Variants in RASGRP3 observed in about 807,000 individuals in gnomAD.
The protein encoded by RASGRP3 is ras guanyl-releasing protein 3.
In RASGRP3, 54 loss-of-function variants were observed where a neutral mutation model predicts 82.7. The ratio of observed to expected loss-of-function variants is 0.65; its 90% confidence interval spans 0.52 to 0.82. The LOEUF (loss-of-function observed/expected upper bound fraction) is 0.82. RASGRP3 is among the 40% of genes least tolerant of loss of function. The pLI is 0.00. For missense variants in RASGRP3, 861 were observed against 828.9 expected (o/e 1.04, Z -0.48); for synonymous variants, 309 against 300.5 (o/e 1.03, Z -0.29).
intron 13 of RASGRP3, among the ~76,000 whole-genome samples, chr2:33,548,529 G>C (rs1056038087): frequency 3.9e-5 from 6 of 151,960 alleles, no homozygotes; most frequent in African/African-American, 1.2e-4. Flanking sequence ...GGAGAGTCCC[G>C]GGGAGGCTGG....
chr2:33,543,374 T>G, intron 12 of RASGRP3, 138 bp from the exon 13 acceptor site: 1 of 589,126 alleles, frequency 1.7e-6, no homozygotes, highest in East Asian at 2.9e-5. Flanking sequence ...TTATAAAGGC[T>G]TCTTGACTTA....
chr2:33,467,286 C>G (rs1349595666), intron 2 of RASGRP3, among the ~76,000 whole-genome samples: 1 of 152,048 alleles, frequency 6.6e-6, no homozygotes, highest in African/African-American at 2.4e-5. Flanking sequence ...AGTCTACTCT[C>G]TGATGCTTTC....
At chr2:33,543,648 AT>A in intron 13 of RASGRP3, 21 bp downstream of exon 13, 1 of 1,479,038 alleles carries the variant, frequency 6.8e-7, no homozygotes, top group East Asian at 2.3e-5. Context: ...ATTTTGTTTT[AT>A]TTTAATGCAA....
At chr2:33,509,737 G>GT (rs1670749200) in intron 1 of RASGRP3, among the ~76,000 whole-genome samples, 1 of 152,116 alleles carries the variant, frequency 6.6e-6, no homozygotes, top group Non-Finnish European at 1.5e-5. Flanking sequence ...GGCAAGGATT[G>GT]TATCTGTCTT....
At chr2:33,519,433 G>A (rs1465822804) in intron 4 of RASGRP3, among the ~76,000 whole-genome samples, 1 of 152,088 alleles carries the variant, frequency 6.6e-6, no homozygotes, top group African/African-American at 2.4e-5. Flanking sequence ...TGGCTAACAC[G>A]GCGAAACCCC....
intron 2 of RASGRP3, among the ~76,000 whole-genome samples, chr2:33,461,737 A>G (rs1435987845): frequency 2.0e-5 from 3 of 152,250 alleles, no homozygotes; most frequent in African/African-American, 7.2e-5. Context: ...ATTTTATCCA[A>G]AAGTTTTCTA....
chr2:33,494,162 A>C (rs1177242929), intron 1 of RASGRP3, among the ~76,000 whole-genome samples: 1 of 152,180 alleles, frequency 6.6e-6, no homozygotes, highest in Non-Finnish European at 1.5e-5. Context: ...CTGGCAACTA[A>C]GTAAAAAAAT....
Position 33,541,317 on chromosome 2 carries a change from T to A in RASGRP3, c.1278+2107T>A, listed in dbSNP as rs920872269. ...CACTGATCATTTGTAGATTATCTAA[T>A]ATGACTTTATTCTCTATCTCTACAT... On this transcript the variant is annotated intron_variant, in intron 12 of 17. Coordinates refer to ENST00000403687, the MANE Select transcript of RASGRP3 (RefSeq NM_001139488.2). Among the ~76,000 whole-genome samples the A allele has an allele frequency of 6.8e-5, 10 of 147,330 alleles. 1 individual carries two copies. Among genetic ancestry groups the A allele is most frequent in the Admixed American group, 3.5e-4 (5 of 14,354 alleles).
Position 33,563,834 on chromosome 2 carries a change from T to A in RASGRP3, c.*1097T>A, listed in dbSNP as rs1009426976. On this transcript the variant is annotated 3_prime_UTR_variant, in exon 18 of 18. Transcript: ENST00000403687. ...TTCATTTAAGCTTTTAAAATATCAA[T>A]TTTTTAAATAGCTCCCATTTACCCA... is the stretch of plus-strand genomic sequence containing the variant. 7.9e-5 allele frequency: 12 copies of A among 152,316 alleles called. No individual in the cohort carries two copies. Among genetic ancestry groups the A allele is most frequent in the South Asian group, 4.1e-4 (2 of 4,828 alleles). The allele number at this position is 152,316 out of a possible 1,614,324, so 9.4% of individuals were successfully genotyped here.
intron 1 of RASGRP3, among the ~76,000 whole-genome samples, chr2:33,506,491 C>T (rs1670391266): frequency 6.6e-6 from 1 of 152,086 alleles, no homozygotes; most frequent in Admixed American, 6.5e-5. Flanking sequence ...GGCAATTTTC[C>T]CAACATTATA....
intron 11 of RASGRP3, among the ~76,000 whole-genome samples, chr2:33,537,333 CA>C (rs1673751954): frequency 7.8e-6 from 1 of 127,576 alleles, no homozygotes; most frequent in Admixed American, 8.4e-5. Context: ...GCCCCCCCCA[CA>C]CACACACACA....
intron 1 of RASGRP3, among the ~76,000 whole-genome samples, chr2:33,502,501 C>CTTTT (rs3083004): frequency 1.5e-5 from 2 of 135,750 alleles, no homozygotes; most frequent in Non-Finnish European, 3.1e-5. Context: ...TTTTTTCTTT[C>CTTTT]TTTTTTTTTT....
At chr2:33,549,487 G>T in intron 13 of RASGRP3, 117 bp from the exon 14 acceptor site, 1 of 965,734 alleles carries the variant, frequency 1.0e-6, no homozygotes. Flanking sequence ...ATAGAGAAGT[G>T]AATGTGCCTC....
At chr2:33,438,601 G>C (rs1665054279) in intron 1 of RASGRP3, among the ~76,000 whole-genome samples, 1 of 151,750 alleles carries the variant, frequency 6.6e-6, no homozygotes, top group African/African-American at 2.4e-5. Flanking sequence ...GAAATGCCAG[G>C]TATTTAAAAT....
upstream of RASGRP3, among the ~76,000 whole-genome samples, chr2:33,475,137 G>A (rs566766706): frequency 6.6e-6 from 1 of 152,284 alleles, no homozygotes; most frequent in African/African-American, 2.4e-5. Context: ...TGCCTGTGAG[G>A]GAAATGTGTA....
chr2:33,557,183 G>A (rs936411221), intron 15 of RASGRP3, among the ~76,000 whole-genome samples: 11 of 152,090 alleles, frequency 7.2e-5, no homozygotes, highest in Admixed American at 1.3e-4. Flanking sequence ...GGAAATAATT[G>A]TGAACCACCA....
At chr2:33,500,848 C>T (rs543509810) in intron 1 of RASGRP3, among the ~76,000 whole-genome samples, 26 of 152,256 alleles carry the variant, frequency 1.7e-4, no homozygotes, top group African/African-American at 5.3e-4. Context: ...GCAGGAGAAT[C>T]GCTTGAACCT....
At chr2:33,504,136 A>G (rs1380530161) in intron 1 of RASGRP3, among the ~76,000 whole-genome samples, 3 of 152,160 alleles carry the variant, frequency 2.0e-5, no homozygotes, top group African/African-American at 7.2e-5. Flanking sequence ...TGTCTATCCT[A>G]TGCCTAATTC....
intron 1 of RASGRP3, among the ~76,000 whole-genome samples, chr2:33,507,627 G>A (rs973252675): frequency 6.6e-6 from 1 of 152,198 alleles, no homozygotes; most frequent in African/African-American, 2.4e-5. Flanking sequence ...CCAGGTTCAG[G>A]CGATTCTCCT....
Sources: allele counts gnomAD v4.1 joint callset (sites outside exome capture counted in the v4.1 genomes callset), GRCh38; gene constraint gnomAD v4.1.1; transcripts MANE v1.5; gene names NCBI Gene and HGNC (gene_info 2026-07-23, HGNC 2026-07-21).